Variants in GSTZ1 observed in about 807,000 individuals in gnomAD.
GSTZ1 encodes glutathione S-transferase zeta 1.
Under a neutral mutation model 35.9 loss-of-function variants are expected in GSTZ1, and 34 were observed. The ratio of observed to expected loss-of-function variants is 0.95; its 90% CI spans 0.72 to 1.26. The LOEUF is 1.26. Among genes scored for constraint, GSTZ1 ranks in the 50% most tolerant of loss-of-function variants. The pLI is 0.00. For synonymous variants in GSTZ1, 93 were observed against 101.2 expected (o/e 0.92, Z 0.49); for missense variants, 263 against 271.7 (o/e 0.97, Z 0.23).
intron 5 of GSTZ1, 93 bp downstream of exon 5, chr14:77,328,130 T>A: frequency 1.5e-6 from 2 of 1,293,666 alleles, no homozygotes; most frequent in Non-Finnish European, 2.2e-6. Context: ...GGCGGGGGTG[T>A]CAAGGGAGGG....
chr14:77,329,244 G>C (rs769429129), intron 6 of GSTZ1, 43 bp downstream of exon 6: 5 of 1,280,668 alleles, frequency 3.9e-6, no homozygotes, highest in Non-Finnish European at 5.7e-6. Flanking sequence ...TGGCCTCTTA[G>C]AGGTATGGCC....
intron 3 of GSTZ1, 64 bp from the exon 4 acceptor site, chr14:77,327,408 G>T (rs1892376820): frequency 2.0e-6 from 2 of 989,306 alleles, no homozygotes; most frequent in Non-Finnish European, 3.2e-6. Context: ...TCTCCTGCTT[G>T]CTTGGCTTTC....
rs541738450 is a variant in GSTZ1 at position 77,328,146 on chromosome 14, G to A, written c.342+109G>A. ...GCGGGGGTGTCAAGGGAGGGAGGGG[G>A]ATTCTCAGGGCCTCTGACCTGGACC... On this transcript the variant is annotated intron_variant, in intron 5 of 8. Coordinates refer to ENST00000216465, the MANE Select transcript of GSTZ1 (RefSeq NM_145870.3). 5 of 1,063,598 alleles carry A rather than the reference G, an allele frequency of 4.7e-6. No homozygotes were observed. The South Asian group carries it at 7.2e-5, about 15-fold the overall frequency. The allele number at this position is 1,063,598 out of a possible 1,614,324, so 65.9% of individuals were successfully genotyped here.
intron 6 of GSTZ1, 97 bp from the exon 7 acceptor site, chr14:77,329,658 T>C: frequency 1.1e-6 from 1 of 905,140 alleles, no homozygotes; most frequent in East Asian, 2.4e-5. Flanking sequence ...TGTCACTCAG[T>C]TGGGCGCCCA....
chr14:77,330,452 C>T (rs966186832), intron 8 of GSTZ1, 93 bp downstream of exon 8: 43 of 1,032,404 alleles, frequency 4.2e-5, no homozygotes, highest in African/African-American at 3.3e-4. Flanking sequence ...GCAGACGCTT[C>T]GCCAACCAGC....
Position 77,326,758 on chromosome 14 carries a change from T to C in GSTZ1, c.68-80T>C, listed in dbSNP as rs1892334988. On this transcript the variant is annotated intron_variant, in intron 2 of 8. Coordinates refer to ENST00000216465, the MANE Select transcript of GSTZ1 (RefSeq NM_145870.3). ...GAAGCCTCCCCCTCTTTGGCCTTAA[T>C]GTCACCTTAGAAGGGCTCTTTCCTT... 3 of 1,043,058 alleles carry C rather than the reference T, an allele frequency of 2.9e-6. No individual in the cohort carries two copies. In the Admixed American group the frequency reaches 6.1e-5, roughly 21 times the overall value. The allele number at this position is 1,043,058 out of a possible 1,614,324, so 64.6% of individuals were successfully genotyped here.
intron 1 of GSTZ1, 163 bp from the exon 2 acceptor site, chr14:77,324,707 G>A: frequency 8.4e-7 from 1 of 1,189,562 alleles, no homozygotes. Context: ...TTGGAGCCAA[G>A]GGACCTCATG....
intron 1 of GSTZ1, 34 bp downstream of exon 1, chr14:77,321,217 G>T (rs1042062565): frequency 9.9e-6 from 15 of 1,518,736 alleles, no homozygotes; most frequent in Non-Finnish European, 1.2e-5. Context: ...AGGGAAGCTG[G>T]TTAGACACCT....
chr14:77,327,452 C>T lies in GSTZ1; in HGVS notation c.136-20C>T, dbSNP rs756912479. On this transcript the variant is annotated intron_variant, in intron 3 of 8. Coordinates refer to ENST00000216465, the MANE Select transcript of GSTZ1 (RefSeq NM_145870.3). ...AACTCAGGCCAGGCCACCCAGCCCA[C>T]CAGGGCCTTGTCTCCACAGTTTTCT... The T allele has an allele frequency of 2.5e-6, 4 of 1,574,360 alleles. No individual in the cohort carries two copies. In the South Asian group the frequency reaches 3.4e-5, roughly 13 times the overall value.
intron 1 of GSTZ1, chr14:77,321,483 T>G: frequency 6.8e-7 from 1 of 1,461,952 alleles, no homozygotes; most frequent in Non-Finnish European, 9.0e-7. Context: ...GACCCCTCCC[T>G]CCACTAAGGC....
chr14:77,329,845 T>C, intron 7 of GSTZ1, 38 bp downstream of exon 7: 2 of 1,507,996 alleles, frequency 1.3e-6, no homozygotes, highest in Non-Finnish European at 1.8e-6. Flanking sequence ...CCAGCCACAG[T>C]GGCTGCCTCC....
At chr14:77,327,880 C>G (rs1892412111) in intron 4 of GSTZ1, 32 bp from the exon 5 acceptor site, 1 of 1,612,494 alleles carries the variant, frequency 6.2e-7, no homozygotes, top group Non-Finnish European at 8.5e-7. Flanking sequence ...GTCCTGGGCC[C>G]TCTCCCTGCC....
chr14:77,324,946 T>G, intron 2 of GSTZ1, 25 bp downstream of exon 2: 2 of 1,589,954 alleles, frequency 1.3e-6, no homozygotes, highest in Non-Finnish European at 1.7e-6. Flanking sequence ...TCCTCCAGGA[T>G]GAGTGCTGGA....
chr14:77,324,518 A>C lies in GSTZ1; in HGVS notation c.16-352A>C, dbSNP rs1892204631. 2.4e-6 allele frequency: 3 copies of C among 1,266,088 alleles called. No individual in the cohort carries two copies. In the Admixed American group the frequency reaches 5.9e-5, roughly 25 times the overall value. 78.4% of individuals were successfully genotyped at this position (1,266,088 alleles called of 1,614,324 possible). A position where few individuals can be genotyped will look rare whatever the true frequency, so the allele number is the denominator to read the frequency against. ...AGCCCAGCTTCCCCATTGGCTCCTG[A>C]AATCCACCCCTTTAGGTTTCCTTTC... On this transcript the variant is annotated intron_variant, in intron 1 of 8. Coordinates refer to ENST00000216465, the MANE Select transcript of GSTZ1 (RefSeq NM_145870.3).
chr14:77,327,630 G>A, intron 4 of GSTZ1, 78 bp downstream of exon 4: 1 of 989,518 alleles, frequency 1.0e-6, no homozygotes, highest in African/African-American at 1.6e-5. Flanking sequence ...TTCCTCGCCT[G>A]TGTACAGTCA....
At chr14:77,321,274 A>G in intron 1 of GSTZ1, 91 bp downstream of exon 1, 16 of 1,524,714 alleles carry the variant, frequency 1.0e-5, no homozygotes, top group Non-Finnish European at 1.3e-5. Context: ...CCGCCCGCCC[A>G]GGCCGACAAC....
intron 4 of GSTZ1, 138 bp from the exon 5 acceptor site, chr14:77,327,774 G>A (rs1211367123): frequency 2.3e-6 from 2 of 865,376 alleles, no homozygotes; most frequent in Non-Finnish European, 1.8e-6. Context: ...GGCTTATAGG[G>A]CTTGAGCTGA....
At chr14:77,328,239 C>G in intron 5 of GSTZ1, 1 of 589,326 alleles carries the variant, frequency 1.7e-6, no homozygotes, top group South Asian at 2.0e-5. Flanking sequence ...CCGCTGCGTT[C>G]CGAGAAGCTC....
At chr14:77,322,712 T>C in intron 1 of GSTZ1, 3 of 985,460 alleles carry the variant, frequency 3.0e-6, no homozygotes, top group Non-Finnish European at 3.6e-6. Context: ...GCCAGGACCA[T>C]CTTTACTTTC....
Sources: allele counts gnomAD v4.1 joint callset, GRCh38; gene constraint gnomAD v4.1.1; transcripts MANE v1.5; gene names NCBI Gene and HGNC (gene_info 2026-07-23, HGNC 2026-07-21).